TMEM181: variants seen among roughly 807,000 people sequenced by gnomAD.
The protein encoded by TMEM181 is G protein-coupled receptor 178.
TMEM181 carries 39 observed loss-of-function variants against 71.9 expected under a neutral mutation model. The ratio of observed to expected loss-of-function variants is 0.54; its 90% CI spans 0.42 to 0.71. TMEM181 has a LOEUF of 0.71. Among genes scored for constraint, TMEM181 ranks in the 30% least tolerant of loss-of-function variants. The pLI, the probability that TMEM181 is intolerant of heterozygous loss-of-function variation, is 0.00. For missense variants in TMEM181, 595 were observed against 583.0 expected, an observed-to-expected ratio of 1.02 and a Z score of -0.21; for synonymous variants, 245 against 228.8, an observed-to-expected ratio of 1.07 and a Z score of -0.64.
At chr6:158,554,936 G>A (rs190112895) in intron 1 of TMEM181, among the ~76,000 whole-genome samples, 27 of 152,294 alleles carry the variant, frequency 1.8e-4, no homozygotes, top group Admixed American at 5.2e-4. Flanking sequence ...GAAGATTTTG[G>A]ACAAAGCAGT....
intron 6 of TMEM181, 65 bp downstream of exon 6, chr6:158,589,847 G>A: frequency 5.2e-6 from 6 of 1,155,086 alleles, no homozygotes; most frequent in Non-Finnish European, 7.8e-6. Context: ...TTTGTTCAAT[G>A]ATTGAAATAC....
chr6:158,629,367 C>T (rs1786530543), intron 14 of TMEM181, among the ~76,000 whole-genome samples: 1 of 152,152 alleles, frequency 6.6e-6, no homozygotes, highest in South Asian at 2.1e-4. Flanking sequence ...ATTATTGTGT[C>T]TAGAGACCTT....
intron 1 of TMEM181, among the ~76,000 whole-genome samples, chr6:158,560,838 T>C (rs1360657496): frequency 1.3e-5 from 2 of 151,952 alleles, no homozygotes; most frequent in Admixed American, 1.3e-4. Flanking sequence ...CTTTACCTCT[T>C]TGAAGTCCAG....
At chr6:158,538,846 A>G (rs7750108) in intron 1 of TMEM181, among the ~76,000 whole-genome samples, 27,915 of 152,070 alleles carry the variant, frequency 0.18, 2,794 homozygotes, top group Non-Finnish European at 0.21. Context: ...GGAAACTCCC[A>G]GAAGAGGAAG....
chr6:158,578,772 C>G (rs1692463960), intron 2 of TMEM181, among the ~76,000 whole-genome samples: 1 of 152,130 alleles, frequency 6.6e-6, no homozygotes, highest in Admixed American at 6.5e-5. Flanking sequence ...AATAAACTCT[C>G]CAATTAAAAA....
chr6:158,570,136 C>T (rs1053615872), intron 1 of TMEM181, among the ~76,000 whole-genome samples: 3 of 151,778 alleles, frequency 2.0e-5, no homozygotes, highest in African/African-American at 4.8e-5. Flanking sequence ...CCTCCGAGAA[C>T]GTTGTAGTGG....
chr6:158,605,137 T>A (rs1446760328), intron 6 of TMEM181, 130 bp from the exon 7 acceptor site: 7 of 372,580 alleles, frequency 1.9e-5, no homozygotes, highest in Admixed American at 4.0e-5. Flanking sequence ...AAAAAGTGTG[T>A]GTGTGTGTGT....
At chr6:158,573,104 C>T (rs1321693978) in intron 1 of TMEM181, among the ~76,000 whole-genome samples, 1 of 152,074 alleles carries the variant, frequency 6.6e-6, no homozygotes, top group Non-Finnish European at 1.5e-5. Context: ...GTGGCAGTGA[C>T]CCCTGGGGGG....
intron 1 of TMEM181, among the ~76,000 whole-genome samples, chr6:158,546,182 A>T (rs1393117366): frequency 6.6e-6 from 1 of 152,174 alleles, no homozygotes; most frequent in Non-Finnish European, 1.5e-5. Flanking sequence ...ACAAGCTGGG[A>T]GCTCCAGAAC....
rs1477667218 is a variant in TMEM181 at position 158,620,763 on chromosome 6, G to T, written c.897-2787G>T. 6.6e-6 allele frequency among the ~76,000 whole-genome samples: 1 copy of T among 152,226 alleles called. No individual in the cohort carries two copies. The highest frequency in any genetic ancestry group is 1.5e-5 in the Non-Finnish European group (1 of 68,044). ...AGTTAACTCAGGACAAGCTGCCGCT[G>T]CCCACTGCTTCCTGGGTTGCAAGAG... On this transcript the variant is annotated intron_variant, in intron 10 of 16. Coordinates refer to ENST00000684151, the MANE Select transcript of TMEM181 (RefSeq NM_001376852.1). The surrounding 1 kb of genome is among the most constrained non-coding windows in gnomAD (Gnocchi z 4.5).
At chr6:158,544,182 A>AGAGAGAGAGAGTGTGTGT (rs149735409) in intron 1 of TMEM181, among the ~76,000 whole-genome samples, 124 of 127,646 alleles carry the variant, frequency 9.7e-4, no homozygotes, top group African/African-American at 2.0e-3. Flanking sequence ...AATTGGAGAG[A>AGAGAGAGAGAGTGTGTGT]GTGTGTGTGT....
At chr6:158,572,624 A>T (rs911750571) in intron 1 of TMEM181, among the ~76,000 whole-genome samples, 1 of 152,278 alleles carries the variant, frequency 6.6e-6, no homozygotes, top group South Asian at 2.1e-4. Context: ...AAAGCCTCAC[A>T]TGTACTACCT....
intron 1 of TMEM181, among the ~76,000 whole-genome samples, chr6:158,566,272 T>C (rs1174127288): frequency 7.2e-5 from 11 of 151,962 alleles, no homozygotes. Context: ...GGGAGAGGAC[T>C]GGGCTGAGGT....
intron 1 of TMEM181, among the ~76,000 whole-genome samples, chr6:158,560,585 G>C (rs950211534): frequency 1.6e-4 from 25 of 152,154 alleles, no homozygotes; most frequent in African/African-American, 4.8e-4. Flanking sequence ...CGCCCGCACG[G>C]AGTCCCGCCG....
intron 6 of TMEM181, among the ~76,000 whole-genome samples, chr6:158,597,512 C>G (rs1186094802): frequency 2.0e-5 from 3 of 151,804 alleles, no homozygotes; most frequent in Non-Finnish European, 1.5e-5. Flanking sequence ...CTAGCCCCCC[C>G]TTTTTTGAGA....
intron 1 of TMEM181, among the ~76,000 whole-genome samples, chr6:158,568,384 G>T (rs182592492): frequency 6.6e-6 from 1 of 152,130 alleles, no homozygotes; most frequent in Non-Finnish European, 1.5e-5. Context: ...CAGGAAGGAC[G>T]GAGAGAGAAG....
chr6:158,592,496 G>A (rs1034320381), intron 6 of TMEM181, among the ~76,000 whole-genome samples: 2 of 151,354 alleles, frequency 1.3e-5, no homozygotes, highest in Non-Finnish European at 2.9e-5. Context: ...TTTCTGAAAC[G>A]GAGTCTCACT....
At chr6:158,560,036 C>G (rs1377403307), upstream of TMEM181, 19 of 985,174 alleles carry the variant, frequency 1.9e-5, no homozygotes, top group African/African-American at 2.8e-4. Flanking sequence ...GCGCCGCGCC[C>G]TCTTCCGCCG....
chr6:158,630,934 G>A (rs924290099), intron 15 of TMEM181, among the ~76,000 whole-genome samples: 6 of 152,190 alleles, frequency 3.9e-5, no homozygotes, highest in Non-Finnish European at 7.4e-5. Flanking sequence ...AATCATGCCC[G>A]TTTTACAGAA....
Sources: gnomAD v4.1 joint callset for allele counts (sites outside exome capture counted in the v4.1 genomes callset) on GRCh38, gnomAD v4.1.1 for gene constraint, Gnocchi (gnomAD v3.1) non-coding constraint, MANE v1.5 for transcripts, NCBI Gene and HGNC (gene_info 2026-07-23, HGNC 2026-07-21) for gene names.